Variants in PHF24 observed in about 807,000 individuals in gnomAD.
PHF24 encodes PHD finger protein 24.
PHF24 carries 25 observed loss-of-function variants against 42.6 expected under a neutral mutation model. That is an observed-to-expected ratio of 0.59 (90% CI 0.43 to 0.82). The LOEUF is 0.82. Among genes scored for constraint, PHF24 ranks in the 40% least tolerant of loss-of-function variants. The pLI, the probability that PHF24 is intolerant of heterozygous loss-of-function variation, is 0.00. For synonymous variants in PHF24, 185 were observed against 204.8 expected, an observed-to-expected ratio of 0.90 and a Z score of 0.83; for missense variants, 470 against 538.1, an observed-to-expected ratio of 0.87 and a Z score of 1.25.
the PHF24 span, among the ~76,000 whole-genome samples, chr9:34,782,390 C>A: frequency 6.6e-6 from 1 of 152,316 alleles, no homozygotes; most frequent in East Asian, 1.9e-4. Flanking sequence ...CCATCCACAG[C>A]TCCTCTATTC....
chr9:34,782,409 T>A, the PHF24 span, among the ~76,000 whole-genome samples: 1 of 152,148 alleles, frequency 6.6e-6, no homozygotes, highest in Non-Finnish European at 1.5e-5. Context: ...TCTCTAGCAG[T>A]TTGCCTCCCT....
At chr9:34,783,470 C>A in the PHF24 span, among the ~76,000 whole-genome samples, 1 of 152,088 alleles carries the variant, frequency 6.6e-6, no homozygotes, top group Non-Finnish European at 1.5e-5. Context: ...TTTCACCAAT[C>A]CTAATATTCT....
chr9:34,677,151 C>T, the PHF24 span, among the ~76,000 whole-genome samples: 3 of 152,332 alleles, frequency 2.0e-5, no homozygotes, highest in East Asian at 5.8e-4. Context: ...GGGGCTCAGG[C>T]CTGAAGCCTG....
chr9:34,692,154 G>A, the PHF24 span, among the ~76,000 whole-genome samples: 11 of 152,250 alleles, frequency 7.2e-5, no homozygotes, highest in South Asian at 8.3e-4. Flanking sequence ...CCAGTCACCC[G>A]TCGTCACCCA....
the PHF24 span, chr9:34,889,164 T>C: frequency 2.5e-6 from 1 of 398,632 alleles, no homozygotes; most frequent in South Asian, 1.3e-4. Flanking sequence ...TTGCAGAGGT[T>C]CAGGAACCTA....
At chr9:34,938,950 A>G in the PHF24 span, among the ~76,000 whole-genome samples, 1 of 150,280 alleles carries the variant, frequency 6.7e-6, no homozygotes, top group Non-Finnish European at 1.5e-5. Flanking sequence ...AAAAAAAAAA[A>G]AAAAGCCATG....
the PHF24 span, among the ~76,000 whole-genome samples, chr9:34,903,446 G>A: frequency 4.6e-5 from 7 of 152,262 alleles, no homozygotes; most frequent in South Asian, 6.2e-4. Flanking sequence ...TGCTTCTGTA[G>A]CCCTAGCTAC....
At chr9:34,699,143 C>G in the PHF24 span, among the ~76,000 whole-genome samples, 1 of 152,188 alleles carries the variant, frequency 6.6e-6, no homozygotes. Context: ...TGAGACCAGA[C>G]CTTAGAAGTT....
the PHF24 span, among the ~76,000 whole-genome samples, chr9:34,716,514 G>A: frequency 6.6e-6 from 1 of 151,992 alleles, no homozygotes; most frequent in Admixed American, 6.6e-5. Context: ...ATTTTGTGTT[G>A]GAGGTTGCTT....
At chr9:34,898,780 C>T in the PHF24 span, among the ~76,000 whole-genome samples, 1 of 152,172 alleles carries the variant, frequency 6.6e-6, no homozygotes, top group Non-Finnish European at 1.5e-5. Context: ...GTCTTGCACC[C>T]AGCAGAATCA....
chr9:34,793,156 A>G, the PHF24 span, among the ~76,000 whole-genome samples: 1 of 152,190 alleles, frequency 6.6e-6, no homozygotes, highest in African/African-American at 2.4e-5. Flanking sequence ...TATTGTCTCT[A>G]TCATAGAACA....
chr9:34,712,341 A>G, the PHF24 span, among the ~76,000 whole-genome samples: 1 of 152,016 alleles, frequency 6.6e-6, no homozygotes, highest in Non-Finnish European at 1.5e-5. Flanking sequence ...CATGCTTTTC[A>G]TCAGATTTCA....
the PHF24 span, among the ~76,000 whole-genome samples, chr9:34,706,306 TA>T: frequency 2.0e-5 from 3 of 152,152 alleles, no homozygotes; most frequent in Non-Finnish European, 4.4e-5. Flanking sequence ...GCAAGAGAGT[TA>T]GATCTTCACT....
chr9:34,724,572 T>C, the PHF24 span: 1 of 1,542,180 alleles, frequency 6.5e-7, no homozygotes, highest in African/African-American at 1.4e-5. Flanking sequence ...AAGTTTAGTT[T>C]GGTCAAGATA....
At chr9:34,926,706 C>T in the PHF24 span, among the ~76,000 whole-genome samples, 14 of 152,066 alleles carry the variant, frequency 9.2e-5, no homozygotes, top group African/African-American at 3.1e-4. The surrounding 1 kb of genome is among the most constrained non-coding windows in gnomAD (Gnocchi z 4.3). Context: ...AGGGTTGTTG[C>T]TCAGGCTCAT....
the PHF24 span, among the ~76,000 whole-genome samples, chr9:34,768,544 T>C: frequency 6.6e-6 from 1 of 152,214 alleles, no homozygotes; most frequent in Non-Finnish European, 1.5e-5. Flanking sequence ...CCAATAGTAA[T>C]ATCAACTTCA....
At chr9:34,845,375 A>G in the PHF24 span, among the ~76,000 whole-genome samples, 1 of 152,020 alleles carries the variant, frequency 6.6e-6, no homozygotes, top group Non-Finnish European at 1.5e-5. Flanking sequence ...CTAATTGTTT[A>G]CTAGTTGTTT....
the PHF24 span, among the ~76,000 whole-genome samples, chr9:34,743,388 A>C: frequency 6.6e-6 from 1 of 152,270 alleles, no homozygotes; most frequent in Non-Finnish European, 1.5e-5. Flanking sequence ...TAACCCCTCT[A>C]GAGCGTCTTC....
At chr9:34,865,596 A>AT in the PHF24 span, among the ~76,000 whole-genome samples, 1 of 151,888 alleles carries the variant, frequency 6.6e-6, no homozygotes, top group Non-Finnish European at 1.5e-5. Context: ...AATAATAAAA[A>AT]AAATAAATGA....
Sources: allele counts gnomAD v4.1 joint callset (sites outside exome capture counted in the v4.1 genomes callset), GRCh38; gene constraint gnomAD v4.1.1; non-coding constraint Gnocchi (gnomAD v3.1); transcripts MANE v1.5; gene names NCBI Gene and HGNC (gene_info 2026-07-23, HGNC 2026-07-21).